Variants in CRACD observed in about 807,000 individuals in gnomAD.
CRACD encodes capping protein inhibiting regulator of actin dynamics.
A neutral mutation model predicts 106.8 loss-of-function variants in CRACD; 56 were observed. The ratio of observed to expected loss-of-function variants is 0.52; its 90% CI spans 0.42 to 0.66. CRACD has a LOEUF of 0.66. Ranked by LOEUF, CRACD falls within the 30% of genes least tolerant of loss-of-function variation. The probability of loss-of-function intolerance (pLI) is 0.00; values close to 1 mark genes in which losing one functional copy is unlikely to be tolerated. For synonymous variants in CRACD, 754 were observed against 670.8 expected, an observed-to-expected ratio of 1.12 and a Z score of -1.92; for missense variants, 1,730 against 1,623.2, an observed-to-expected ratio of 1.07 and a Z score of -1.13.
At chr4:56,066,801 T>C (rs1732479994) in intron 1 of CRACD, among the ~76,000 whole-genome samples, 1 of 152,064 alleles carries the variant, frequency 6.6e-6, no homozygotes, top group Non-Finnish European at 1.5e-5. Flanking sequence ...GAAGAGGCTG[T>C]ATAAATAGCC....
intron 10 of CRACD, among the ~76,000 whole-genome samples, chr4:56,327,073 C>A (rs994734445): frequency 6.6e-5 from 10 of 152,118 alleles, no homozygotes; most frequent in Admixed American, 4.6e-4. Context: ...CAGATCCAGT[C>A]GGCTGGGTTG....
intron 2 of CRACD, among the ~76,000 whole-genome samples, chr4:56,210,840 C>T (rs1290552983): frequency 6.6e-6 from 1 of 152,156 alleles, no homozygotes; most frequent in South Asian, 2.1e-4. Flanking sequence ...GGGTGGTGCC[C>T]ATTAAGGAAC....
At chr4:56,201,396 A>G (rs1225171322) in intron 2 of CRACD, among the ~76,000 whole-genome samples, 4 of 152,200 alleles carry the variant, frequency 2.6e-5, no homozygotes, top group Non-Finnish European at 5.9e-5. Flanking sequence ...TGAAAACAGT[A>G]AAAGCTTAAA....
In CRACD at chr4:56,313,078, C is replaced by A. The variant is rs967835608; in HGVS notation, c.355-119C>A. 3.6e-6 allele frequency: 3 copies of A among 836,126 alleles called. No individual in the cohort carries two copies. In the African/African-American group the frequency reaches 5.1e-5, roughly 14 times the overall value. 51.8% of individuals were successfully genotyped at this position (836,126 alleles called of 1,614,324 possible). On this transcript the variant is annotated intron_variant, in intron 6 of 10. Coordinates refer to ENST00000682029, the MANE Select transcript of CRACD (RefSeq NM_001393381.1). ...TTTTCTGAGGAGTTCCCTCTGCTCA[C>A]CTGCATTCCCTGGGCCAGGCTGGGC...
chr4:56,203,024 T>A (rs1415001877), intron 2 of CRACD, among the ~76,000 whole-genome samples: 1 of 152,202 alleles, frequency 6.6e-6, no homozygotes, highest in East Asian at 1.9e-4. Flanking sequence ...CCTGAATGAT[T>A]CTTATAGAAA....
At chr4:56,253,975 G>A (rs905429162) in intron 2 of CRACD, among the ~76,000 whole-genome samples, 1 of 152,194 alleles carries the variant, frequency 6.6e-6, no homozygotes, top group African/African-American at 2.4e-5. Flanking sequence ...GATATGGGTG[G>A]AAACTTCAAT....
At chr4:56,194,832 A>G (rs544083528) in intron 2 of CRACD, among the ~76,000 whole-genome samples, 1 of 152,172 alleles carries the variant, frequency 6.6e-6, no homozygotes, top group Non-Finnish European at 1.5e-5. Flanking sequence ...GGACAGGGAC[A>G]CCTGGGACAT....
chr4:56,224,750 C>T (rs1739210094), intron 2 of CRACD, among the ~76,000 whole-genome samples: 1 of 152,188 alleles, frequency 6.6e-6, no homozygotes, highest in African/African-American at 2.4e-5. Context: ...CATACTTAAT[C>T]CTGCTTCAAA....
intron 3 of CRACD, among the ~76,000 whole-genome samples, chr4:56,272,876 G>A (rs183587988): frequency 5.6e-4 from 82 of 145,930 alleles, no homozygotes; most frequent in African/African-American, 2.0e-3. Context: ...TCCAGCCTGG[G>A]TGACAGAGTG....
chr4:56,133,812 G>A (rs1209828117), intron 1 of CRACD, among the ~76,000 whole-genome samples: 3 of 152,152 alleles, frequency 2.0e-5, no homozygotes, highest in Admixed American at 6.5e-5. Flanking sequence ...ATGACAAGTA[G>A]AATAAATACC....
intron 2 of CRACD, among the ~76,000 whole-genome samples, chr4:56,188,942 C>T (rs553517276): frequency 7.2e-5 from 11 of 152,170 alleles, no homozygotes; most frequent in South Asian, 2.1e-4. Context: ...AAGGCCGAAG[C>T]GGGTGGATCA....
intron 1 of CRACD, among the ~76,000 whole-genome samples, chr4:56,168,184 T>C (rs961754169): frequency 6.6e-6 from 1 of 152,198 alleles, no homozygotes; most frequent in Non-Finnish European, 1.5e-5. Context: ...TCAAGTAGGA[T>C]GTTAGCTGTA....
intron 1 of CRACD, among the ~76,000 whole-genome samples, chr4:56,157,486 A>C (rs896126925): frequency 6.6e-6 from 1 of 152,194 alleles, no homozygotes; most frequent in Non-Finnish European, 1.5e-5. Flanking sequence ...TACACTCTGG[A>C]AGATTGACTG....
At chr4:56,153,366 C>A (rs1427324268) in intron 1 of CRACD, among the ~76,000 whole-genome samples, 1 of 152,194 alleles carries the variant, frequency 6.6e-6, no homozygotes, top group Non-Finnish European at 1.5e-5. Context: ...CATCATCACC[C>A]TCTTCAGGCG....
chr4:56,102,936 A>G (rs1560451429), intron 1 of CRACD, among the ~76,000 whole-genome samples: 1 of 152,006 alleles, frequency 6.6e-6, no homozygotes, highest in Non-Finnish European at 1.5e-5. Context: ...GGACTCCCCT[A>G]CTTTGTGCTC....
chr4:56,316,799 T>A (rs1232320893), intron 8 of CRACD, 110 bp downstream of exon 8: 1 of 1,337,864 alleles, frequency 7.5e-7, no homozygotes, highest in Non-Finnish European at 1.0e-6. Context: ...CAATACAGAT[T>A]TGAAAAAGGA....
At chr4:56,265,392 T>G (rs1553915487) in intron 2 of CRACD, among the ~76,000 whole-genome samples, 1 of 133,030 alleles carries the variant, frequency 7.5e-6, no homozygotes. Context: ...TACTCAGGGG[T>G]ATAGAGGAGG....
chr4:56,138,295 C>G (rs1477072129), intron 1 of CRACD, among the ~76,000 whole-genome samples: 1 of 151,980 alleles, frequency 6.6e-6, no homozygotes, highest in Non-Finnish European at 1.5e-5. Flanking sequence ...GAAAACCTGT[C>G]TCTACTAAAA....
chr4:56,199,075 A>G (rs1737753951), intron 2 of CRACD, among the ~76,000 whole-genome samples: 1 of 152,032 alleles, frequency 6.6e-6, no homozygotes, highest in African/African-American at 2.4e-5. Flanking sequence ...CTTGGTGCAT[A>G]TACAGTAGGC....
Sources: allele counts gnomAD v4.1 joint callset (sites outside exome capture counted in the v4.1 genomes callset), GRCh38; gene constraint gnomAD v4.1.1; transcripts MANE v1.5; gene names NCBI Gene and HGNC (gene_info 2026-07-23, HGNC 2026-07-21).